PIK3C3: variants seen among roughly 807,000 people sequenced by gnomAD.
PIK3C3 encodes the protein phosphatidylinositol 3-kinase catalytic subunit type 3, also known as PI3-kinase type 3.
A neutral mutation model predicts 126.1 loss-of-function variants in PIK3C3; 95 were observed. That is an observed-to-expected ratio of 0.75 (90% CI 0.64 to 0.89). The LOEUF is 0.89. Among genes scored for constraint, PIK3C3 ranks in the 40% least tolerant of loss-of-function variants. The pLI is 0.00. For synonymous variants in PIK3C3, 374 were observed against 360.0 expected (o/e 1.04, Z -0.44); for missense variants, 829 against 1,063.2 (o/e 0.78, Z 3.06).
intron 20 of PIK3C3, among the ~76,000 whole-genome samples, chr18:42,047,949 G>A (rs1317481683): frequency 6.6e-6 from 1 of 152,172 alleles, no homozygotes; most frequent in African/African-American, 2.4e-5. Context: ...CAGATGATCT[G>A]TGTAACCATT....
At chr18:41,979,895 T>TATTATTATCATC (rs1555672729) in intron 4 of PIK3C3, among the ~76,000 whole-genome samples, 2 of 149,664 alleles carry the variant, frequency 1.3e-5, no homozygotes, top group African/African-American at 2.5e-5. Context: ...TTATTATTAT[T>TATTATTATCATC]ATTATTATTA....
intron 12 of PIK3C3, 95 bp from the exon 13 acceptor site, chr18:42,020,543 T>C (rs1373252283): frequency 3.2e-5 from 23 of 726,106 alleles, no homozygotes; most frequent in Non-Finnish European, 5.4e-5. Context: ...ACATAAGATA[T>C]ACAGATGAAA....
At chr18:41,973,200 A>G (rs961393042) in intron 4 of PIK3C3, among the ~76,000 whole-genome samples, 3 of 152,076 alleles carry the variant, frequency 2.0e-5, no homozygotes, top group African/African-American at 7.2e-5. Context: ...TATTGTTTGC[A>G]GGTCATTCCT....
At chr18:41,991,763 GA>G (rs1162922322) in intron 6 of PIK3C3, among the ~76,000 whole-genome samples, 1 of 152,060 alleles carries the variant, frequency 6.6e-6, no homozygotes, top group Non-Finnish European at 1.5e-5. Flanking sequence ...GAAAGACTAG[GA>G]AGTGTTAACT....
At chr18:42,010,992 G>T (rs371197395) in intron 10 of PIK3C3, among the ~76,000 whole-genome samples, 1 of 152,224 alleles carries the variant, frequency 6.6e-6, no homozygotes, top group East Asian at 1.9e-4. Flanking sequence ...GGATGATCAG[G>T]TACATTGTCT....
chr18:42,083,921 G>C lies in PIK3C3; in HGVS notation c.*2784G>C, dbSNP rs1028987957. On this transcript the variant is annotated 3_prime_UTR_variant, in exon 25 of 25. Coordinates refer to ENST00000262039, the MANE Select transcript of PIK3C3 (RefSeq NM_002647.4). ...GTACTGACCTCTAATGTGTGCATTTGTGGGTATGTGGTCCATTCAGCTTTA... is the reference window on the plus strand; with the variant it reads ...GTACTGACCTCTAATGTGTGCATTTCTGGGTATGTGGTCCATTCAGCTTTA... 1 of 152,134 alleles carries C rather than the reference G, an allele frequency of 6.6e-6. No homozygotes were observed. Among genetic ancestry groups the C allele is most frequent in the African/African-American group, 2.4e-5 (1 of 41,436 alleles). 9.4% of individuals were successfully genotyped at this position (152,134 alleles called of 1,614,324 possible).
chr18:42,077,458 A>G (rs1206697762), intron 24 of PIK3C3, among the ~76,000 whole-genome samples: 1 of 152,216 alleles, frequency 6.6e-6, no homozygotes, highest in African/African-American at 2.4e-5. Context: ...GGAATATTCT[A>G]AATCCTTTGT....
chr18:41,966,419 C>T (rs1470100411), intron 3 of PIK3C3, among the ~76,000 whole-genome samples: 4 of 152,002 alleles, frequency 2.6e-5, no homozygotes, highest in South Asian at 2.1e-4. Context: ...ATCCGCCTGC[C>T]TCGCCCTCCC....
intron 3 of PIK3C3, among the ~76,000 whole-genome samples, chr18:41,963,116 G>A (rs1980180534): frequency 6.6e-6 from 1 of 151,818 alleles, no homozygotes; most frequent in South Asian, 2.1e-4. Context: ...TAGTCCCAAA[G>A]GATATTTTCT....
At position 42,085,553 on chromosome 18, in the gene PIK3C3, T is replaced by G. The variant is rs562462394; in HGVS notation, c.*4416T>G. On this transcript the variant is annotated 3_prime_UTR_variant, in exon 25 of 25. Coordinates refer to ENST00000262039, the MANE Select transcript of PIK3C3 (RefSeq NM_002647.4). The stretch of plus-strand genomic sequence containing the variant: ...AATGTCAAAATAGAACATAAGAAAA[T>G]GAGTCTAGTGGACCCACTGCATAGT... 6.6e-6 allele frequency: 1 copy of G among 152,250 alleles called. No individual in the cohort carries two copies. Among genetic ancestry groups the G allele is most frequent in the African/African-American group, 2.4e-5 (1 of 41,554 alleles). The allele number at this position is 152,250 out of a possible 1,614,324, so 9.4% of individuals were successfully genotyped here.
intron 24 of PIK3C3, among the ~76,000 whole-genome samples, chr18:42,068,869 G>A (rs910906226): frequency 8.7e-5 from 13 of 148,986 alleles, no homozygotes; most frequent in Non-Finnish European, 1.8e-4. Context: ...AGAATGGCAT[G>A]AACCTGGGAG....
chr18:41,960,053 C>G (rs1245282816), intron 2 of PIK3C3, among the ~76,000 whole-genome samples: 1 of 152,124 alleles, frequency 6.6e-6, no homozygotes, highest in Non-Finnish European at 1.5e-5. Flanking sequence ...TTCCTTAGTT[C>G]AGATAGTATT....
chr18:42,052,511 G>A lies in PIK3C3; in HGVS notation c.2263+2906G>A, dbSNP rs550253555. On this transcript the variant is annotated intron_variant, in intron 21 of 24. Transcript: ENST00000262039. ...TTTCTTACTGGATACATGTTTTCAA[G>A]TTTTTAGTTTTGGTTTGGATGAAAT... 1.2e-4 allele frequency among the ~76,000 whole-genome samples: 19 copies of A among 152,206 alleles called. No homozygotes were observed. In the South Asian group the frequency reaches 3.7e-3, roughly 30 times the overall value.
At chr18:42,057,732 T>C in intron 21 of PIK3C3, 151 bp from the exon 22 acceptor site, 1 of 658,350 alleles carries the variant, frequency 1.5e-6, no homozygotes, top group East Asian at 2.9e-5. Flanking sequence ...CTCTCAAACC[T>C]GCAGTTAGAA....
intron 14 of PIK3C3, 52 bp from the exon 15 acceptor site, chr18:42,029,273 C>A: frequency 2.8e-6 from 3 of 1,063,884 alleles, no homozygotes; most frequent in South Asian, 1.3e-5. Context: ...TTAAAGAAAT[C>A]CAGATCATTA....
intron 17 of PIK3C3, 120 bp from the exon 18 acceptor site, chr18:42,038,661 A>G (rs2144465759): frequency 1.5e-6 from 1 of 660,106 alleles, no homozygotes; most frequent in East Asian, 2.9e-5. Context: ...ACTAATTTAA[A>G]CTTAATTTAG....
rs1345161300 is a variant in PIK3C3 at position 42,057,893 on chromosome 18, C to T, written c.2274C>T (p.Phe758=). 3.1e-6 allele frequency: 5 copies of T among 1,613,428 alleles called. No individual in the cohort carries two copies. The highest frequency in any genetic ancestry group is 1.3e-5 in the African/African-American group (1 of 75,000). Residue 758 remains phenylalanine, a synonymous_variant, in exon 22 of 25, where the codon TTC becomes TTT. Coordinates refer to ENST00000262039, the MANE Select transcript of PIK3C3 (RefSeq NM_002647.4). ...CTTGTCAACATCCAGGCAAACTCTTCCACATAGACTTTGGATATATTTTGG... is the reference window on the plus strand; with the variant it reads ...CTTGTCAACATCCAGGCAAACTCTTTCACATAGACTTTGGATATATTTTGG... ...NLLLTKTGKL[F]HIDFGYILGR... is the part of the protein sequence containing the mutation.
chr18:42,018,445 T>C (rs1983174293), intron 12 of PIK3C3, among the ~76,000 whole-genome samples: 1 of 152,176 alleles, frequency 6.6e-6, no homozygotes, highest in Non-Finnish European at 1.5e-5. Context: ...AGAGAAACTT[T>C]AGGCCTATAT....
In PIK3C3 at chr18:42,086,119, A is replaced by G. The variant is rs1487929529; in HGVS notation, c.*4982A>G. 7.0e-6 allele frequency: 1 copy of G among 142,210 alleles called. No individual in the cohort carries two copies. The highest frequency in any genetic ancestry group is 2.2e-4 in the East Asian group (1 of 4,448). 8.8% of individuals were successfully genotyped at this position (142,210 alleles called of 1,614,324 possible). A position where few individuals can be genotyped will look rare whatever the true frequency, so the allele number is the denominator to read the frequency against. On this transcript the variant is annotated 3_prime_UTR_variant, in exon 25 of 25. Coordinates refer to ENST00000262039, the MANE Select transcript of PIK3C3 (RefSeq NM_002647.4). ...CTGGGTAATAGAGCGAGACAACTCT[A>G]TCTCAAAAAAAAGAATTTCACTAGA... is the stretch of plus-strand genomic sequence containing the variant.
Sources: gnomAD v4.1 joint callset for allele counts (sites outside exome capture counted in the v4.1 genomes callset) on GRCh38, gnomAD v4.1.1 for gene constraint, MANE v1.5 for transcripts, NCBI Gene and HGNC (gene_info 2026-07-23, HGNC 2026-07-21) for gene names.